DNAH3: variants seen among roughly 807,000 people sequenced by gnomAD.
DNAH3 encodes dynein axonemal heavy chain 3, also known as axonemal beta dynein heavy chain 3.
In DNAH3, 332 loss-of-function variants were observed where a neutral mutation model predicts 432.5. That is an observed-to-expected ratio of 0.77 (90% CI 0.70 to 0.84). DNAH3 has a LOEUF of 0.84. Among genes scored for constraint, DNAH3 ranks in the 40% least tolerant of loss-of-function variants. The pLI is 0.00. For synonymous variants in DNAH3, 1,956 were observed against 1,900.2 expected (o/e 1.03, Z -0.76); for missense variants, 4,861 against 5,114.0 (o/e 0.95, Z 1.51).
At chr16:21,104,307 AG>A in intron 16 of DNAH3, 163 bp downstream of exon 16, 1 of 655,032 alleles carries the variant, frequency 1.5e-6, no homozygotes, top group Non-Finnish European at 2.8e-6. Context: ...AACATCCCTC[AG>A]TGGGAAACCA....
intron 41 of DNAH3, among the ~76,000 whole-genome samples, chr16:21,011,636 C>T (rs571153066): frequency 5.3e-5 from 8 of 152,110 alleles, no homozygotes; most frequent in African/African-American, 1.9e-4. Flanking sequence ...GCTGGGATTA[C>T]AGGGGCGAGC....
rs542585521 is a variant in DNAH3, at chr16:20,973,539, C to T, written c.8259+1694G>A. The stretch of plus-strand genomic sequence containing the variant: ...AAGTGCTGGGATTACAGGCATGAGC[C>T]ACCTTTCCCGGCCCTATCTGTCATT... On this transcript the variant is annotated intron_variant, in intron 51 of 61. Transcript: ENST00000261383. Among the ~76,000 whole-genome samples the T allele has an allele frequency of 7.9e-5, 12 of 152,332 alleles. 1 individual carries two copies. The East Asian group carries it at 2.1e-3, about 27-fold the overall frequency.
At chr16:20,943,506 G>C (rs1034279555) in intron 58 of DNAH3, among the ~76,000 whole-genome samples, 1 of 152,172 alleles carries the variant, frequency 6.6e-6, no homozygotes, top group African/African-American at 2.4e-5. Flanking sequence ...CTACAGGTGC[G>C]ATTCACTGCA....
intron 31 of DNAH3, among the ~76,000 whole-genome samples, chr16:21,047,322 G>A (rs1205186824): frequency 6.8e-6 from 1 of 147,642 alleles, no homozygotes; most frequent in Non-Finnish European, 1.5e-5. Flanking sequence ...CCAATCAGAC[G>A]TAGATTTGGT....
At chr16:20,956,456 G>C (rs2152601364) in intron 54 of DNAH3, among the ~76,000 whole-genome samples, 1 of 152,244 alleles carries the variant, frequency 6.6e-6, no homozygotes, top group East Asian at 1.9e-4. Context: ...CTGTACTGTG[G>C]AACGTGGACT....
chr16:21,153,876 C>G (rs13339110), intron 1 of DNAH3, among the ~76,000 whole-genome samples: 5 of 152,098 alleles, frequency 3.3e-5, no homozygotes, highest in Admixed American at 6.5e-5. Flanking sequence ...ACTCCTTTTC[C>G]TCAAAGTTGG....
chr16:21,054,293 G>A (rs1057514216), intron 28 of DNAH3, 127 bp downstream of exon 28: 57 of 697,676 alleles, frequency 8.2e-5, no homozygotes, highest in African/African-American at 1.8e-5. Context: ...CTTACTCTCA[G>A]TTGGAGAAAG....
rs2086969671 is a variant in DNAH3 at position 21,000,538 on chromosome 16, G to A, written c.6127-20C>T. The stretch of plus-strand genomic sequence containing the variant: ...TGAGACCTGTACCACACAGACATGG[G>A]AGAGTCTCGGTTGTGGGCCCAGGAA... On this transcript the variant is annotated intron_variant, in intron 42 of 61. Transcript: ENST00000261383. The A allele has an allele frequency of 6.4e-7, 1 of 1,570,764 alleles. No individual in the cohort carries two copies. The highest frequency in any genetic ancestry group is 2.3e-5 in the East Asian group (1 of 44,436).
At chr16:21,049,812 G>T in intron 30 of DNAH3, 98 bp downstream of exon 30, 1 of 1,345,606 alleles carries the variant, frequency 7.4e-7, no homozygotes, top group Non-Finnish European at 1.1e-6. Flanking sequence ...CATGCTGCCT[G>T]TTAATGCTAA....
At chr16:21,095,163 C>T (rs2091642377) in intron 18 of DNAH3, among the ~76,000 whole-genome samples, 1 of 152,204 alleles carries the variant, frequency 6.6e-6, no homozygotes, top group Non-Finnish European at 1.5e-5. Flanking sequence ...TTGGCATTTT[C>T]TTATAAACTT....
chr16:21,006,958 G>A (rs971626469), intron 41 of DNAH3, among the ~76,000 whole-genome samples: 3 of 152,094 alleles, frequency 2.0e-5, no homozygotes, highest in African/African-American at 7.2e-5. Context: ...AAATTAAATT[G>A]GATTGTGTTT....
chr16:21,111,381 T>G (rs534134782), intron 14 of DNAH3, among the ~76,000 whole-genome samples: 4 of 152,258 alleles, frequency 2.6e-5, no homozygotes, highest in Admixed American at 2.6e-4. Context: ...GACAAAAGCT[T>G]CAGGATCAGA....
Position 21,069,678 on chromosome 16 carries a change from G to C in DNAH3, c.3202-84C>G. On this transcript the variant is annotated intron_variant, in intron 22 of 61. Coordinates refer to ENST00000261383, the Ensembl canonical transcript of DNAH3. Reference sequence around the variant, plus strand: ...ATGGAGAGAGCAAATGGATGGAGCCGTACATTTATTCATTCATTCAGTCTG... The same window carrying C: ...ATGGAGAGAGCAAATGGATGGAGCCCTACATTTATTCATTCATTCAGTCTG... The C allele has an allele frequency of 5.1e-6, 6 of 1,165,556 alleles. No individual in the cohort carries two copies. In the South Asian group the frequency reaches 7.5e-5, roughly 15 times the overall value. 72.2% of individuals were successfully genotyped at this position (1,165,556 alleles called of 1,614,324 possible). A position where few individuals can be genotyped will look rare whatever the true frequency, so the allele number is the denominator to read the frequency against.
chr16:21,098,866 T>C (rs2091764438), intron 16 of DNAH3, 97 bp from the exon 17 acceptor site: 4 of 1,284,562 alleles, frequency 3.1e-6, no homozygotes, highest in Admixed American at 4.8e-5. Context: ...TGCAGACAAT[T>C]TGATCAGTTA....
chr16:20,994,558 G>A (rs201727312), intron 44 of DNAH3, among the ~76,000 whole-genome samples: 12 of 152,138 alleles, frequency 7.9e-5, no homozygotes, highest in African/African-American at 1.7e-4. Context: ...GCACATTCAC[G>A]TTGTCGTGCA....
intron 52 of DNAH3, among the ~76,000 whole-genome samples, chr16:20,968,973 T>C (rs1360075401): frequency 1.3e-5 from 2 of 152,080 alleles, no homozygotes; most frequent in African/African-American, 2.4e-5. Context: ...CTCTGCATAT[T>C]TGTCTCTCAG....
At chr16:21,098,842 C>T in intron 16 of DNAH3, 73 bp from the exon 17 acceptor site, 5 of 1,489,124 alleles carry the variant, frequency 3.4e-6, no homozygotes, top group Non-Finnish European at 3.6e-6. Flanking sequence ...GCACTGCTTG[C>T]CCATATTTAA....
chr16:21,046,068 A>C (rs1181870954), intron 31 of DNAH3, among the ~76,000 whole-genome samples: 4 of 150,846 alleles, frequency 2.7e-5, no homozygotes, highest in African/African-American at 9.8e-5. Flanking sequence ...GTTCTTTTAC[A>C]TTTGCTGAGG....
At chr16:21,115,750 A>T (rs1379740031) in intron 12 of DNAH3, among the ~76,000 whole-genome samples, 172 of 149,538 alleles carry the variant, frequency 1.2e-3, no homozygotes, top group African/African-American at 4.0e-3. Context: ...TAAAATAAAA[A>T]TAAAATAAAA....
Sources: allele counts gnomAD v4.1 joint callset (sites outside exome capture counted in the v4.1 genomes callset), GRCh38; gene constraint gnomAD v4.1.1; transcripts MANE v1.5; gene names NCBI Gene and HGNC (gene_info 2026-07-23, HGNC 2026-07-21).